Variants in FMN2 observed in about 807,000 individuals in gnomAD.
The protein encoded by FMN2 is formin 2.
A neutral mutation model predicts 142.3 loss-of-function variants in FMN2; 51 were observed. The observed-to-expected ratio is 0.36, with a 90% CI of 0.29 to 0.45. The LOEUF (loss-of-function observed/expected upper bound fraction) is 0.45. Ranked by LOEUF, FMN2 falls within the 20% of genes least tolerant of loss-of-function variation. The probability of loss-of-function intolerance (pLI) is 1.00; values close to 1 mark genes in which losing one functional copy is unlikely to be tolerated. For synonymous variants in FMN2, 882 were observed against 869.8 expected (o/e 1.01, Z -0.25); for missense variants, 1,936 against 2,122.8 (o/e 0.91, Z 1.73).
At chr1:240,309,510 T>C (rs1281164613) in intron 8 of FMN2, among the ~76,000 whole-genome samples, 4 of 152,170 alleles carry the variant, frequency 2.6e-5, no homozygotes, top group Non-Finnish European at 5.9e-5. Flanking sequence ...GGAGGCAAAC[T>C]GGTCACTGAG....
chr1:240,402,740 A>G lies in FMN2; in HGVS notation c.4910+10178A>G, dbSNP rs144115857. ...TTTCCTACAGAGTCACTTAATGTCT[A>G]TGTCAGCTCATAGGCAGAGAATGTA... On this transcript the variant is annotated intron_variant, in intron 15 of 17. Transcript: ENST00000319653. Among the ~76,000 whole-genome samples, 423 of 152,364 alleles carry G rather than the reference A, an allele frequency of 2.8e-3. 3 individuals are homozygous for G. The highest frequency in any genetic ancestry group is 9.8e-3 in the African/African-American group (409 of 41,590).
At chr1:240,465,950 A>T (rs1281877865) in intron 16 of FMN2, among the ~76,000 whole-genome samples, 1 of 152,172 alleles carries the variant, frequency 6.6e-6, no homozygotes, top group Admixed American at 6.5e-5. Context: ...ACTTTTGTAT[A>T]TGTTTGCCTG....
At chr1:240,127,287 G>T (rs887254320) in intron 2 of FMN2, among the ~76,000 whole-genome samples, 1 of 151,822 alleles carries the variant, frequency 6.6e-6, no homozygotes. Context: ...TGGCCAGGCT[G>T]GTCTTGAACT....
chr1:240,263,851 A>G (rs1668709096), intron 7 of FMN2, among the ~76,000 whole-genome samples: 1 of 152,110 alleles, frequency 6.6e-6, no homozygotes, highest in South Asian at 2.1e-4. Context: ...CCTGTCTTTT[A>G]TATATGTCCT....
intron 6 of FMN2, among the ~76,000 whole-genome samples, chr1:240,257,647 T>A (rs1431043543): frequency 6.6e-6 from 1 of 152,172 alleles, no homozygotes; most frequent in Non-Finnish European, 1.5e-5. Flanking sequence ...CCAGACTAAT[T>A]TCCTAGACCA....
At chr1:240,209,152 A>C (rs1271472114) in intron 5 of FMN2, among the ~76,000 whole-genome samples, 1 of 152,168 alleles carries the variant, frequency 6.6e-6, no homozygotes, top group Non-Finnish European at 1.5e-5. Context: ...TTTGTAGCGA[A>C]ATTATTTTCC....
At chr1:240,341,927 A>G (rs1310925019) in intron 13 of FMN2, among the ~76,000 whole-genome samples, 1 of 152,194 alleles carries the variant, frequency 6.6e-6, no homozygotes, top group Admixed American at 6.5e-5. Flanking sequence ...CCTAGGAAGC[A>G]GTGAATTGTA....
intron 15 of FMN2, among the ~76,000 whole-genome samples, chr1:240,437,140 C>A (rs1439975666): frequency 2.0e-5 from 3 of 152,094 alleles, no homozygotes; most frequent in Non-Finnish European, 4.4e-5. Context: ...CTCTTCTGAG[C>A]TCCATATAGC....
At chr1:240,425,726 A>G (rs1425291313) in intron 15 of FMN2, among the ~76,000 whole-genome samples, 4 of 152,234 alleles carry the variant, frequency 2.6e-5, no homozygotes, top group Non-Finnish European at 5.9e-5. Flanking sequence ...TTGAGAGCAT[A>G]TGGTAATGTC....
chr1:240,424,528 TC>T (rs765508514), intron 15 of FMN2, among the ~76,000 whole-genome samples: 8 of 152,202 alleles, frequency 5.3e-5, no homozygotes, highest in Non-Finnish European at 1.0e-4. Flanking sequence ...TTCCTTAACT[TC>T]TCTGTATGAA....
chr1:240,343,197 C>T (rs1671799353), intron 13 of FMN2, among the ~76,000 whole-genome samples: 1 of 152,142 alleles, frequency 6.6e-6, no homozygotes, highest in African/African-American at 2.4e-5. Context: ...GAAAAAGCCT[C>T]CCAGCCAGTA....
At chr1:240,205,325 A>C in intron 4 of FMN2, among the ~76,000 whole-genome samples, 1 of 152,156 alleles carries the variant, frequency 6.6e-6, no homozygotes, top group East Asian at 1.9e-4. Context: ...TTGACACTGC[A>C]GTTTCCACAA....
chr1:240,443,176 A>G (rs1675683836), intron 16 of FMN2, among the ~76,000 whole-genome samples: 1 of 152,194 alleles, frequency 6.6e-6, no homozygotes. Context: ...GTTAGACAAA[A>G]TATCTTGGTT....
intron 3 of FMN2, among the ~76,000 whole-genome samples, chr1:240,187,932 C>G (rs1665548076): frequency 6.6e-6 from 1 of 152,076 alleles, no homozygotes; most frequent in Admixed American, 6.5e-5. Context: ...AATTTAGAAA[C>G]TAGCAATCGA....
At position 240,092,146 on chromosome 1, in the gene FMN2, G is replaced by T; in HGVS notation, c.37G>T (p.Gly13Cys). 1 of 1,567,264 alleles carries T rather than the reference G, an allele frequency of 6.4e-7. No homozygotes were observed. The highest frequency in any genetic ancestry group is 8.6e-7 in the Non-Finnish European group (1 of 1,156,384). Residue 13 changes from glycine to cysteine, a missense_variant, in exon 1 of 18, where the codon GGT (glycine) becomes TGT (cysteine). This residue lies in a region of FMN2 where 751 missense variants were observed against 791.8 expected (regional missense o/e 0.95). Coordinates refer to ENST00000319653, the MANE Select transcript of FMN2 (RefSeq NM_020066.5). ...GGATGGGAAGCTGAAGAGGAGCGCA[G>T]GTGATGCTTTGCACGAAGGCGGCGG... ...NQDGKLKRSAGDALHEGGGGA... is the reference protein window; with the variant it reads ...NQDGKLKRSACDALHEGGGGA...
chr1:240,413,015 C>T (rs1490249548), intron 15 of FMN2, among the ~76,000 whole-genome samples: 1 of 134,036 alleles, frequency 7.5e-6, no homozygotes, highest in Non-Finnish European at 1.6e-5. Flanking sequence ...CTCAGCTACT[C>T]GGGAGAATGA....
chr1:240,252,706 C>T (rs182098766), intron 6 of FMN2, among the ~76,000 whole-genome samples: 260 of 151,954 alleles, frequency 1.7e-3, no homozygotes, highest in African/African-American at 6.1e-3. Flanking sequence ...TTCTTTGCCT[C>T]TCACTTTTGA....
intron 8 of FMN2, among the ~76,000 whole-genome samples, chr1:240,299,511 A>G (rs1294199257): frequency 1.3e-5 from 2 of 152,338 alleles, no homozygotes; most frequent in Admixed American, 1.3e-4. Context: ...TACCTTTACC[A>G]TGGATAAAGC....
chr1:240,147,317 A>G (rs778625372), intron 2 of FMN2, among the ~76,000 whole-genome samples: 1 of 152,124 alleles, frequency 6.6e-6, no homozygotes, highest in Admixed American at 6.5e-5. Flanking sequence ...CTGACTCTAC[A>G]TCTTGTGCCC....
Sources: allele counts gnomAD v4.1 joint callset (sites outside exome capture counted in the v4.1 genomes callset), GRCh38; gene constraint gnomAD v4.1.1; regional missense constraint gnomAD v4.1.1; transcripts MANE v1.5; gene names NCBI Gene and HGNC (gene_info 2026-07-23, HGNC 2026-07-21).